Variants in INTS1 observed in about 807,000 individuals in gnomAD.
INTS1 encodes integrator complex subunit 1.
A neutral mutation model predicts 241.6 loss-of-function variants in INTS1; 137 were observed. That is an observed-to-expected ratio of 0.57 (90% CI 0.49 to 0.65). INTS1 has a LOEUF of 0.65. INTS1 is among the 30% of genes least tolerant of loss of function. The pLI is 0.00. For synonymous variants in INTS1, 1,692 were observed against 1,337.8 expected (o/e 1.26, Z -5.78); for missense variants, 3,073 against 3,032.2 (o/e 1.01, Z -0.32).
intron 35 of INTS1, 79 bp from the exon 36 acceptor site, chr7:1,476,997 CA>C: frequency 6.6e-7 from 1 of 1,506,728 alleles, no homozygotes; most frequent in South Asian, 1.2e-5. Context: ...ACAGCTTCCC[CA>C]ATGAGCCACT....
chr7:1,498,004 A>T (rs1782946514), intron 10 of INTS1, among the ~76,000 whole-genome samples: 1 of 152,334 alleles, frequency 6.6e-6, no homozygotes, highest in South Asian at 2.1e-4. Flanking sequence ...GCTTGAGCCC[A>T]GGAGTTTGAG....
At chr7:1,500,585 C>T (rs901164168) in intron 3 of INTS1, among the ~76,000 whole-genome samples, 1 of 152,210 alleles carries the variant, frequency 6.6e-6, no homozygotes, top group Non-Finnish European at 1.5e-5. Context: ...ACTAGCCCAC[C>T]AGCCACTCCA....
intron 35 of INTS1, 67 bp from the exon 36 acceptor site, chr7:1,476,985 T>G: frequency 1.3e-6 from 2 of 1,538,232 alleles, no homozygotes; most frequent in South Asian, 2.4e-5. Flanking sequence ...TGAAGTCAGC[T>G]GACAGCTTCC....
chr7:1,489,124 G>A (rs1348978235), intron 18 of INTS1, among the ~76,000 whole-genome samples: 3 of 151,888 alleles, frequency 2.0e-5, no homozygotes, highest in Admixed American at 6.6e-5. Flanking sequence ...GCTGGCCTCC[G>A]TGATGCCGCC....
rs368859306 is a variant in INTS1 at position 1,480,876 on chromosome 7, G to C, written c.3908C>G (p.Thr1303Ser). The stretch of plus-strand genomic sequence containing the variant: ...GGAGGCTGTGAGCAAGGAGTGGAAA[G>C]TCTGGCCTCCGGAGGCGCCGCGCTC... ...QHERGASGGQTFHSLLTASLP... is the reference protein window; with the variant it reads ...QHERGASGGQSFHSLLTASLP... The change falls in exon 29 of 48, where the codon ACT (threonine) becomes AGT (serine). Residue 1303 changes from threonine (T) to serine (S), a missense_variant. Physicochemically the swap from Thr to Ser is moderately conservative, Grantham distance 58. Transcript: ENST00000404767. 6.4e-4 allele frequency: 991 copies of C among 1,556,640 alleles called. 1 individual carries two copies. The highest frequency in any genetic ancestry group is 7.2e-4 in the Non-Finnish European group (827 of 1,151,108).
chr7:1,495,771 C>A (rs1234190238), intron 12 of INTS1, among the ~76,000 whole-genome samples: 1 of 152,166 alleles, frequency 6.6e-6, no homozygotes, highest in African/African-American at 2.4e-5. Flanking sequence ...GAGTGACTCG[C>A]TCCGGTCAAT....
intron 26 of INTS1, 135 bp downstream of exon 26, chr7:1,483,607 G>C: frequency 1.4e-6 from 1 of 723,986 alleles, no homozygotes. Context: ...TAGGAGAGAA[G>C]CCAGGACACA....
At position 1,485,306 on chromosome 7, in the gene INTS1, G is replaced by A; in HGVS notation, c.3140C>T (p.Ala1047Val). ...CGCCCTCACCTGCTGCAGGGCCAGG[G>A]CTGTGGTGCTCCTGACGCTGTCGAA... ...PLFDSVRSTT[A>V]LALQQAIHME... Residue 1047 changes from alanine (A) to valine (V), a missense_variant, in exon 23 of 48, where the codon GCC (alanine) becomes GTC (valine). Coordinates refer to ENST00000404767, the MANE Select transcript of INTS1 (RefSeq NM_001080453.3). The A allele has an allele frequency of 1.2e-6, 2 of 1,610,316 alleles. No individual in the cohort carries two copies. The highest frequency in any genetic ancestry group is 1.7e-6 in the Non-Finnish European group (2 of 1,179,632).
Position 1,499,697 on chromosome 7 carries a change from G to A in INTS1, c.685-65C>T, listed in dbSNP as rs537416957. The A allele has an allele frequency of 1.3e-4, 203 of 1,526,440 alleles. 1 individual carries two copies. The highest frequency in any genetic ancestry group is 1.3e-3 in the African/African-American group (94 of 72,618). The allele number at this position is 1,526,440 out of a possible 1,614,324, so 94.6% of individuals were successfully genotyped here. A position where few individuals can be genotyped will look rare whatever the true frequency, so the allele number is the denominator to read the frequency against. On this transcript the variant is annotated intron_variant, in intron 5 of 47. Transcript: ENST00000404767. ...GCAGCAGCCAGGTTGGGGAACACCC[G>A]CCTGCTGCCCGGGGACTGGGTGCCC... is the stretch of plus-strand genomic sequence containing the variant.
chr7:1,501,292 AATAAAT>A (rs1439814914), intron 3 of INTS1: 1 of 149,216 alleles, frequency 6.7e-6, no homozygotes, highest in African/African-American at 2.5e-5. Context: ...CTCAAAAAAA[AATAAAT>A]AAATAAATAA....
intron 44 of INTS1, 67 bp from the exon 45 acceptor site, chr7:1,471,708 G>A: frequency 6.7e-7 from 1 of 1,497,200 alleles, no homozygotes. Flanking sequence ...CCCCACCCCA[G>A]CCACCCAGAG....
intron 24 of INTS1, among the ~76,000 whole-genome samples, chr7:1,484,577 G>A (rs1214161444): frequency 6.6e-6 from 1 of 152,076 alleles, no homozygotes; most frequent in African/African-American, 2.4e-5. Context: ...GAGAGAAGAT[G>A]GGAGTCAGCG....
intron 27 of INTS1, 175 bp downstream of exon 27, chr7:1,482,371 A>T (rs976381070): frequency 5.4e-6 from 3 of 551,700 alleles, no homozygotes; most frequent in Non-Finnish European, 3.0e-6. Context: ...GTCTCCTCCC[A>T]GGGTCCAGCA....
rs1328310101 is a variant in INTS1, at chr7:1,499,944, G to C, written c.624C>G (p.Ala208=). 6.2e-7 allele frequency: 1 copy of C among 1,613,728 alleles called. No homozygotes were observed. The highest frequency in any genetic ancestry group is 1.1e-5 in the South Asian group (1 of 91,088). ...AKGNSLVSVL[A]CNLLMAAYEE... is the part of the protein sequence containing the mutation. The stretch of plus-strand genomic sequence containing the variant: ...CGTAGGCGGCCATGAGGAGGTTACA[G>C]GCCAGCACAGACACCAGGCTGTTCC... Residue 208 remains alanine (A), a synonymous_variant, in exon 5 of 48, where the codon GCC becomes GCG. Transcript: ENST00000404767.
chr7:1,494,931 G>T (rs1486376177), intron 13 of INTS1, 38 bp from the exon 14 acceptor site: 1 of 1,547,866 alleles, frequency 6.5e-7, no homozygotes, highest in Non-Finnish European at 8.7e-7. Context: ...CATGATGTGG[G>T]TGCTCAGGGA....
At chr7:1,470,797 C>T (rs1208732697) in intron 47 of INTS1, 49 bp downstream of exon 47, 4 of 1,489,000 alleles carry the variant, frequency 2.7e-6, no homozygotes, top group Non-Finnish European at 2.7e-6. Flanking sequence ...GACGCACCTC[C>T]GGCCTCCCCG....
At chr7:1,479,908 G>A (rs928058169) in intron 30 of INTS1, among the ~76,000 whole-genome samples, 1 of 152,206 alleles carries the variant, frequency 6.6e-6, no homozygotes, top group East Asian at 1.9e-4. Flanking sequence ...AGAGAACAAA[G>A]GTGTCCAGAG....
intron 12 of INTS1, among the ~76,000 whole-genome samples, 161 bp from the exon 13 acceptor site, chr7:1,495,714 T>G (rs987193328): frequency 6.6e-6 from 1 of 152,036 alleles, no homozygotes. Flanking sequence ...CTGGGAGGCA[T>G]GGAGTGACCC....
intron 12 of INTS1, 121 bp downstream of exon 12, chr7:1,496,035 C>T (rs565981385): frequency 4.8e-5 from 34 of 705,704 alleles, no homozygotes; most frequent in South Asian, 4.5e-4. Flanking sequence ...CCCGAGTAGC[C>T]GTGCTGCGGG....
Sources: gnomAD v4.1 joint callset for allele counts (sites outside exome capture counted in the v4.1 genomes callset) on GRCh38, gnomAD v4.1.1 for gene constraint, MANE v1.5 for transcripts, NCBI Gene and HGNC (gene_info 2026-07-23, HGNC 2026-07-21) for gene names.